The following ZSWIM6 variants were observed in gnomAD, a reference collection of about 807,000 sequenced individuals.
ZSWIM6 encodes the protein zinc finger SWIM-type containing 6.
In ZSWIM6, 9 loss-of-function variants were observed where a neutral mutation model predicts 113.2. That is an observed-to-expected ratio of 0.08 (90% CI 0.05 to 0.14). The LOEUF (loss-of-function observed/expected upper bound fraction) is 0.14. ZSWIM6 is among the 10% of genes least tolerant of loss of function. The probability of loss-of-function intolerance (pLI) is 1.00; values close to 1 mark genes in which losing one functional copy is unlikely to be tolerated. For synonymous variants in ZSWIM6, 611 were observed against 606.5 expected (o/e 1.01, Z -0.11); for missense variants, 1,162 against 1,552.2 (o/e 0.75, Z 4.22).
chr5:61,445,427 C>G (rs1484943703), intron 1 of ZSWIM6, among the ~76,000 whole-genome samples: 3 of 152,076 alleles, frequency 2.0e-5, no homozygotes, highest in African/African-American at 7.2e-5. Flanking sequence ...CATTAGAATC[C>G]TCAAATCAGT....
chr5:61,349,230 A>G (rs533727622), intron 1 of ZSWIM6, among the ~76,000 whole-genome samples: 2 of 152,302 alleles, frequency 1.3e-5, no homozygotes, highest in South Asian at 2.1e-4. Context: ...TTTAAATACA[A>G]AGTCTTTTTT....
At chr5:61,473,152 TAGTTG>T in intron 2 of ZSWIM6, 115 bp downstream of exon 2, 1 of 648,684 alleles carries the variant, frequency 1.5e-6, no homozygotes, top group Non-Finnish European at 2.4e-6. Flanking sequence ...GCATTGCTCT[TAGTTG>T]GTCAAAAGAG....
intron 4 of ZSWIM6, among the ~76,000 whole-genome samples, chr5:61,511,908 C>A (rs2112246258): frequency 6.6e-6 from 1 of 152,088 alleles, no homozygotes; most frequent in Middle Eastern, 3.4e-3. Flanking sequence ...AGTGGGCACG[C>A]AATAAATGGT....
At chr5:61,538,444 A>G (rs1749640353) in intron 10 of ZSWIM6, among the ~76,000 whole-genome samples, 1 of 152,202 alleles carries the variant, frequency 6.6e-6, no homozygotes, top group Admixed American at 6.5e-5. Context: ...TTTTTGAGTC[A>G]TAGAATTCAA....
intron 1 of ZSWIM6, chr5:61,375,756 A>G: frequency 6.5e-7 from 1 of 1,531,846 alleles, no homozygotes; most frequent in Non-Finnish European, 8.8e-7. Flanking sequence ...GTGAAGAACG[A>G]GAAAAAGCAA....
intron 1 of ZSWIM6, among the ~76,000 whole-genome samples, chr5:61,453,393 T>TG (rs1747127434): frequency 6.6e-6 from 1 of 151,338 alleles, no homozygotes; most frequent in Admixed American, 6.6e-5. Flanking sequence ...TTTTTTTTTT[T>TG]GTGCCAGGGT....
chr5:61,481,501 CCCA>C (rs534876794), intron 2 of ZSWIM6, among the ~76,000 whole-genome samples: 2 of 152,088 alleles, frequency 1.3e-5, no homozygotes, highest in South Asian at 4.2e-4. Context: ...TTCTACCGCT[CCCA>C]CCATTTTTAT....
At chr5:61,390,912 T>G in intron 1 of ZSWIM6, 1 of 870,602 alleles carries the variant, frequency 1.1e-6, no homozygotes, top group Admixed American at 1.7e-5. Flanking sequence ...CACTTCACCA[T>G]AGTGGACAAA....
intron 1 of ZSWIM6, among the ~76,000 whole-genome samples, chr5:61,399,343 C>T (rs921933604): frequency 1.3e-5 from 2 of 150,374 alleles, no homozygotes; most frequent in African/African-American, 4.9e-5. Flanking sequence ...TATGTGACTT[C>T]GTTGAGAAAA....
At chr5:61,406,011 A>C (rs1746036643) in intron 1 of ZSWIM6, among the ~76,000 whole-genome samples, 1 of 152,230 alleles carries the variant, frequency 6.6e-6, no homozygotes, top group Non-Finnish European at 1.5e-5. Context: ...TAACCTTGTC[A>C]TTCAGTAGAC....
chr5:61,450,064 A>ATT (rs1747055245), intron 1 of ZSWIM6, among the ~76,000 whole-genome samples: 3 of 152,294 alleles, frequency 2.0e-5, no homozygotes, highest in Admixed American at 6.5e-5. Context: ...CGTGTTCCAA[A>ATT]TTGATATATC....
chr5:61,349,737 C>T (rs564967905), intron 1 of ZSWIM6, among the ~76,000 whole-genome samples: 6 of 152,100 alleles, frequency 3.9e-5, no homozygotes, highest in South Asian at 4.2e-4. Context: ...CTTGAATATT[C>T]CCATATAGAA....
chr5:61,460,080 C>T (rs981794098), intron 1 of ZSWIM6, among the ~76,000 whole-genome samples: 12 of 152,250 alleles, frequency 7.9e-5, no homozygotes, highest in South Asian at 2.1e-4. Flanking sequence ...TGACTTTCAA[C>T]GATGTTTACC....
In ZSWIM6 at chr5:61,544,626, A is replaced by G. The variant is rs1479732626; in HGVS notation, c.*309A>G. 6.2e-6 allele frequency: 1 copy of G among 160,010 alleles called. No individual in the cohort carries two copies. The highest frequency in any genetic ancestry group is 1.4e-5 in the Non-Finnish European group (1 of 73,424). 9.9% of individuals were successfully genotyped at this position (160,010 alleles called of 1,614,324 possible). ...ATGTTGTCAAGTGGCAAAAGTCCACATAGCTCTCCTGTTTTCTGTATACGT... is the reference window on the plus strand; with the variant it reads ...ATGTTGTCAAGTGGCAAAAGTCCACGTAGCTCTCCTGTTTTCTGTATACGT... On this transcript the variant is annotated 3_prime_UTR_variant, in exon 14 of 14. Coordinates refer to ENST00000252744, the MANE Select transcript of ZSWIM6 (RefSeq NM_020928.2).
chr5:61,380,952 GA>G (rs374265490), intron 1 of ZSWIM6, among the ~76,000 whole-genome samples: 94 of 145,172 alleles, frequency 6.5e-4, no homozygotes, highest in African/African-American at 1.4e-3. Flanking sequence ...AAAAAAAAAA[GA>G]AAAAAAAAAT....
chr5:61,340,295 C>T lies in ZSWIM6; in HGVS notation c.676+7347C>T, dbSNP rs1020685109. On this transcript the variant is annotated intron_variant, in intron 1 of 13. Coordinates refer to ENST00000252744, the MANE Select transcript of ZSWIM6 (RefSeq NM_020928.2). The stretch of plus-strand genomic sequence containing the variant: ...GAGTATGCTAAATGTTTTATGTCTG[C>T]GGAATTCGCTTAACTAATTTTGTGT... Among the ~76,000 whole-genome samples the T allele has an allele frequency of 1.1e-4, 16 of 152,198 alleles. No individual in the cohort carries two copies. In the East Asian group the frequency reaches 2.1e-3, roughly 20 times the overall value.
chr5:61,393,360 T>TA (rs1745771305), intron 1 of ZSWIM6, among the ~76,000 whole-genome samples: 1 of 152,168 alleles, frequency 6.6e-6, no homozygotes, highest in African/African-American at 2.4e-5. Flanking sequence ...AATACCTTTT[T>TA]AATAGGTATT....
chr5:61,340,748 T>C (rs1357897330), intron 1 of ZSWIM6, among the ~76,000 whole-genome samples: 1 of 152,204 alleles, frequency 6.6e-6, no homozygotes, highest in Non-Finnish European at 1.5e-5. Context: ...TCAAGCATAT[T>C]CTTGAATGTA....
At chr5:61,436,643 AT>A (rs1746714153) in intron 1 of ZSWIM6, among the ~76,000 whole-genome samples, 1 of 152,218 alleles carries the variant, frequency 6.6e-6, no homozygotes, top group Non-Finnish European at 1.5e-5. Flanking sequence ...TTATTACTAA[AT>A]ATTAGGCAAT....
Sources: gnomAD v4.1 joint callset for allele counts (sites outside exome capture counted in the v4.1 genomes callset) on GRCh38, gnomAD v4.1.1 for gene constraint, MANE v1.5 for transcripts, NCBI Gene and HGNC (gene_info 2026-07-23, HGNC 2026-07-21) for gene names.